Variants in A1CF observed in about 807,000 individuals in gnomAD.
A1CF encodes APOBEC-1 stimulating protein.
In A1CF, 48 loss-of-function variants were observed where a neutral mutation model predicts 68.9. That is an observed-to-expected ratio of 0.70 (90% CI 0.55 to 0.89). The LOEUF (loss-of-function observed/expected upper bound fraction) is 0.89. Ranked by LOEUF, A1CF falls within the 40% of genes least tolerant of loss-of-function variation. The probability of loss-of-function intolerance (pLI) is 0.00; values close to 1 mark genes in which losing one functional copy is unlikely to be tolerated. For missense variants in A1CF, 653 were observed against 718.9 expected (o/e 0.91, Z 1.05); for synonymous variants, 272 against 260.4 (o/e 1.04, Z -0.43).
intron 3 of A1CF, among the ~76,000 whole-genome samples, chr10:50,844,968 A>G (rs2132464919): frequency 6.6e-6 from 1 of 152,320 alleles, no homozygotes; most frequent in Non-Finnish European, 1.5e-5. Context: ...TGTAAGTGTT[A>G]GCACAAAGGC....
intron 7 of A1CF, among the ~76,000 whole-genome samples, chr10:50,825,969 C>G (rs1231635057): frequency 1.3e-5 from 2 of 152,106 alleles, no homozygotes; most frequent in African/African-American, 4.8e-5. Flanking sequence ...AGAGACAGGC[C>G]TGGGATGCTG....
At chr10:50,834,401 G>A (rs923479053) in intron 6 of A1CF, among the ~76,000 whole-genome samples, 4 of 152,188 alleles carry the variant, frequency 2.6e-5, no homozygotes, top group Admixed American at 6.6e-5. Context: ...TGACGGAGGG[G>A]CAGGTATTCC....
chr10:50,824,214 T>C (rs1041444671), intron 7 of A1CF: 2 of 152,074 alleles, frequency 1.3e-5, no homozygotes, highest in Admixed American at 6.6e-5. Flanking sequence ...GAGAGAGATA[T>C]GTGATGTTCA....
chr10:50,853,738 T>C (rs1840351422), intron 3 of A1CF, among the ~76,000 whole-genome samples: 1 of 130,606 alleles, frequency 7.7e-6, no homozygotes, highest in Non-Finnish European at 1.6e-5. Context: ...AGGAATCGAG[T>C]TGGAGTCAGC....
Position 50,814,005 on chromosome 10 carries a change from C to T in A1CF, c.1175G>A (p.Gly392Asp), listed in dbSNP as rs769418567. 1.9e-6 allele frequency: 3 copies of T among 1,613,724 alleles called. No homozygotes were observed. The highest frequency in any genetic ancestry group is 2.5e-6 in the Non-Finnish European group (3 of 1,179,820). Residue 392 changes from glycine to aspartate, a missense_variant, in exon 10 of 13, where the codon GGC becomes GAC. Gly to Asp is a moderately conservative substitution (Grantham distance 94). Transcript: ENST00000373997. The stretch of plus-strand genomic sequence containing the variant: ...ACCCAGGCCTGTGTATGCCAAATAG[C>T]CACGGCCGCCCAGTCCTCTCACTCC... Reference protein sequence around the residue: ...AAGVRGLGGRGYLAYTGLGRG... With the variant: ...AAGVRGLGGRDYLAYTGLGRG...
chr10:50,807,066 A>G (rs1218240243), intron 12 of A1CF, among the ~76,000 whole-genome samples, 186 bp from the exon 13 acceptor site: 2 of 152,240 alleles, frequency 1.3e-5, no homozygotes, highest in African/African-American at 4.8e-5. Context: ...TGATATTTAA[A>G]CAGTCCTAGG....
intron 1 of A1CF, among the ~76,000 whole-genome samples, chr10:50,869,849 A>T (rs1841166251): frequency 6.6e-6 from 1 of 151,936 alleles, no homozygotes; most frequent in Non-Finnish European, 1.5e-5. Flanking sequence ...TTAACAAATT[A>T]TTTTTGTTTT....
chr10:50,828,305 A>G lies in A1CF; in HGVS notation c.605-10T>C, dbSNP rs2132394861. 2 of 1,537,254 alleles carry G rather than the reference A, an allele frequency of 1.3e-6. No individual in the cohort carries two copies. Among genetic ancestry groups the G allele is most frequent in the African/African-American group, 2.7e-5 (2 of 73,238 alleles). ...CATAACTGAATTCTTCCTGTTGAAA[A>G]TGATCACCATTATGATTAATTATGT... is the stretch of plus-strand genomic sequence containing the variant. On this transcript the variant is annotated splice_polypyrimidine_tract_variant and intron_variant, in intron 6 of 12. Transcript: ENST00000373997.
chr10:50,869,529 T>C (rs576523821), intron 1 of A1CF, among the ~76,000 whole-genome samples: 9 of 152,178 alleles, frequency 5.9e-5, no homozygotes, highest in African/African-American at 2.2e-4. Context: ...AGTAGAAAAG[T>C]TGTTAAGGTC....
intron 1 of A1CF, among the ~76,000 whole-genome samples, chr10:50,866,270 G>T (rs1310021170): frequency 6.6e-6 from 1 of 152,130 alleles, no homozygotes; most frequent in African/African-American, 2.4e-5. Flanking sequence ...ATATAAAGTT[G>T]ATATTTGTAT....
At chr10:50,855,547 A>G (rs1840440556) in intron 3 of A1CF, among the ~76,000 whole-genome samples, 1 of 152,006 alleles carries the variant, frequency 6.6e-6, no homozygotes, top group African/African-American at 2.4e-5. Flanking sequence ...AACTTCAGTC[A>G]TCAATATCCA....
intron 1 of A1CF, among the ~76,000 whole-genome samples, chr10:50,881,334 A>G (rs541440988): frequency 3.3e-5 from 5 of 152,290 alleles, no homozygotes; most frequent in African/African-American, 1.2e-4. Context: ...ATGTCCAGTG[A>G]AGTTGGACAT....
Position 50,838,662 on chromosome 10 carries a change from A to T in A1CF, c.366-2350T>A, listed in dbSNP as rs143589399. On this transcript the variant is annotated intron_variant, in intron 5 of 12. Coordinates refer to ENST00000373997, the MANE Select transcript of A1CF (RefSeq NM_014576.4). ...ATGACGATCAGTGAATATCTGATGA[A>T]GTAGAAGCTGATATAATGATAGGTG... is the stretch of plus-strand genomic sequence containing the variant. Among the ~76,000 whole-genome samples, 28 of 152,334 alleles carry T rather than the reference A, an allele frequency of 1.8e-4. No homozygotes were observed. The East Asian group carries it at 5.2e-3, about 28-fold the overall frequency.
chr10:50,876,263 C>T (rs558297319), intron 1 of A1CF, among the ~76,000 whole-genome samples: 1 of 152,340 alleles, frequency 6.6e-6, no homozygotes, highest in Admixed American at 6.5e-5. Flanking sequence ...TCAGTGTTTG[C>T]AGCACATCAC....
intron 7 of A1CF, among the ~76,000 whole-genome samples, chr10:50,826,791 TA>T (rs1838963144): frequency 6.6e-6 from 1 of 152,066 alleles, no homozygotes; most frequent in Non-Finnish European, 1.5e-5. Context: ...ATATTAACCT[TA>T]AAAGGTAAGT....
chr10:50,861,002 C>G (rs1432337984), intron 2 of A1CF, among the ~76,000 whole-genome samples: 2 of 152,104 alleles, frequency 1.3e-5, no homozygotes, highest in Admixed American at 6.6e-5. Context: ...TGATCTGAAT[C>G]AAATGCAACT....
chr10:50,847,690 C>T (rs987857237), intron 3 of A1CF, among the ~76,000 whole-genome samples: 9 of 152,170 alleles, frequency 5.9e-5, no homozygotes, highest in African/African-American at 2.2e-4. Flanking sequence ...ATTTTTCTAG[C>T]CTTCCTTGCA....
intron 6 of A1CF, among the ~76,000 whole-genome samples, chr10:50,829,020 A>G (rs561400497): frequency 6.6e-6 from 1 of 152,288 alleles, no homozygotes; most frequent in South Asian, 2.1e-4. Flanking sequence ...CCATGGCTAC[A>G]TATATTTTTG....
intron 6 of A1CF, among the ~76,000 whole-genome samples, chr10:50,828,735 G>A (rs112254992): frequency 5.3e-5 from 8 of 152,252 alleles, no homozygotes; most frequent in African/African-American, 1.7e-4. Flanking sequence ...GCTGGAATCT[G>A]TGTTGTTAAT....
Sources: gnomAD v4.1 joint callset for allele counts (sites outside exome capture counted in the v4.1 genomes callset) on GRCh38, gnomAD v4.1.1 for gene constraint, MANE v1.5 for transcripts, NCBI Gene and HGNC (gene_info 2026-07-23, HGNC 2026-07-21) for gene names.